Variants in RNGTT observed in about 807,000 individuals in gnomAD.
The protein encoded by RNGTT is mRNA-capping enzyme.
Under a neutral mutation model 79.3 loss-of-function variants are expected in RNGTT, and 33 were observed. That is an observed-to-expected ratio of 0.42 (90% CI 0.32 to 0.56). The LOEUF (loss-of-function observed/expected upper bound fraction) is 0.56, where lower values mean the gene tolerates loss of function less well. Ranked by LOEUF, RNGTT falls within the 20% of genes least tolerant of loss-of-function variation. The pLI is 0.17. For missense variants in RNGTT, 497 were observed against 739.1 expected, an observed-to-expected ratio of 0.67 and a Z score of 3.80; for synonymous variants, 222 against 235.9, an observed-to-expected ratio of 0.94 and a Z score of 0.54.
At chr6:88,813,853 A>T (rs1780223048) in intron 11 of RNGTT, among the ~76,000 whole-genome samples, 1 of 152,140 alleles carries the variant, frequency 6.6e-6, no homozygotes, top group Non-Finnish European at 1.5e-5. Flanking sequence ...CTGACTACTA[A>T]ATTGATATGT....
intron 13 of RNGTT, among the ~76,000 whole-genome samples, chr6:88,712,754 A>G (rs888974483): frequency 1.3e-5 from 2 of 152,142 alleles, no homozygotes; most frequent in African/African-American, 4.8e-5. Context: ...TGACTGAAAA[A>G]GCAATACATT....
chr6:88,929,739 A>G (rs910484715), intron 2 of RNGTT, among the ~76,000 whole-genome samples: 9 of 151,978 alleles, frequency 5.9e-5, no homozygotes, highest in African/African-American at 2.2e-4. Flanking sequence ...ATATCTATTG[A>G]CTACACCATT....
intron 13 of RNGTT, among the ~76,000 whole-genome samples, chr6:88,710,153 C>T (rs898614224): frequency 2.6e-4 from 40 of 152,222 alleles, no homozygotes; most frequent in Admixed American, 7.9e-4. Flanking sequence ...CCAGCTACTC[C>T]GGAAGCTGAG....
intron 11 of RNGTT, among the ~76,000 whole-genome samples, chr6:88,810,838 AT>A (rs1263670243): frequency 6.6e-6 from 1 of 152,222 alleles, no homozygotes; most frequent in Non-Finnish European, 1.5e-5. Context: ...ATACAATTGC[AT>A]GCAGTGTTCA....
intron 13 of RNGTT, among the ~76,000 whole-genome samples, chr6:88,701,981 CA>C (rs766080576): frequency 1.3e-5 from 2 of 151,844 alleles, no homozygotes; most frequent in Admixed American, 6.6e-5. Flanking sequence ...AAAACACACA[CA>C]AAAAAACCTA....
chr6:88,877,380 A>G (rs374806780), intron 8 of RNGTT, among the ~76,000 whole-genome samples: 19 of 152,370 alleles, frequency 1.2e-4, no homozygotes, highest in African/African-American at 4.1e-4. Context: ...ATTTTGTTCC[A>G]TGAGGCACTA....
intron 11 of RNGTT, among the ~76,000 whole-genome samples, chr6:88,819,145 T>C (rs2127878357): frequency 6.6e-6 from 1 of 152,276 alleles, no homozygotes; most frequent in South Asian, 2.1e-4. Flanking sequence ...AAGAATAGTA[T>C]TCTTCATAAC....
At chr6:88,934,276 C>G (rs1784596213) in intron 2 of RNGTT, among the ~76,000 whole-genome samples, 1 of 152,192 alleles carries the variant, frequency 6.6e-6, no homozygotes, top group Non-Finnish European at 1.5e-5. Context: ...AAGTAATCCT[C>G]CCATCCATCT....
At chr6:88,749,298 G>C (rs1458006689) in intron 13 of RNGTT, among the ~76,000 whole-genome samples, 1 of 151,986 alleles carries the variant, frequency 6.6e-6, no homozygotes, top group Non-Finnish European at 1.5e-5. Context: ...AAATAATAAG[G>C]TATTGTGGGC....
At chr6:88,777,900 T>TC (rs1417623815) in intron 12 of RNGTT, among the ~76,000 whole-genome samples, 1 of 152,192 alleles carries the variant, frequency 6.6e-6, no homozygotes, top group Admixed American at 6.5e-5. Flanking sequence ...TTTTAGTTCT[T>TC]CCCCATTAAT....
intron 14 of RNGTT, among the ~76,000 whole-genome samples, chr6:88,639,525 T>C (rs1014800627): frequency 6.6e-6 from 1 of 152,164 alleles, no homozygotes; most frequent in African/African-American, 2.4e-5. Context: ...GCACAAATCA[T>C]ACACCACTCC....
intron 11 of RNGTT, among the ~76,000 whole-genome samples, chr6:88,825,611 T>G (rs1325313019): frequency 6.6e-6 from 1 of 152,218 alleles, no homozygotes; most frequent in African/African-American, 2.4e-5. Context: ...AAATGTTTAT[T>G]TGAATACATG....
chr6:88,893,620 T>G (rs1783125454), intron 6 of RNGTT, among the ~76,000 whole-genome samples: 1 of 152,140 alleles, frequency 6.6e-6, no homozygotes, highest in South Asian at 2.1e-4. Context: ...ACAGAGCCAA[T>G]AAATACTGAG....
intron 2 of RNGTT, among the ~76,000 whole-genome samples, chr6:88,933,988 C>T (rs553043357): frequency 6.6e-6 from 1 of 152,272 alleles, no homozygotes; most frequent in African/African-American, 2.4e-5. Context: ...TTCTCCACAT[C>T]CTTGCCAGCA....
intron 11 of RNGTT, among the ~76,000 whole-genome samples, chr6:88,812,099 CATT>C (rs1780158415): frequency 6.6e-6 from 1 of 152,180 alleles, no homozygotes; most frequent in Non-Finnish European, 1.5e-5. Flanking sequence ...AAGCCAACAT[CATT>C]ATCTTCTTTT....
chr6:88,923,255 G>T (rs1272811629), intron 4 of RNGTT, among the ~76,000 whole-genome samples: 8 of 152,080 alleles, frequency 5.3e-5, no homozygotes, highest in Non-Finnish European at 1.2e-4. Context: ...GATGATTGTT[G>T]TTTCCAGGTT....
intron 11 of RNGTT, among the ~76,000 whole-genome samples, chr6:88,803,275 T>C (rs955142811): frequency 2.0e-5 from 3 of 151,920 alleles, no homozygotes; most frequent in Non-Finnish European, 4.4e-5. Flanking sequence ...GAGTTTCAGT[T>C]TTGAAAGATG....
intron 13 of RNGTT, among the ~76,000 whole-genome samples, chr6:88,714,906 A>G (rs1409736963): frequency 6.6e-6 from 1 of 152,186 alleles, no homozygotes; most frequent in Non-Finnish European, 1.5e-5. Flanking sequence ...AAACTGGCAC[A>G]AGACAGGGAT....
chr6:88,624,116 T>C (rs1223967243), intron 14 of RNGTT, among the ~76,000 whole-genome samples: 2 of 151,900 alleles, frequency 1.3e-5, no homozygotes, highest in Non-Finnish European at 2.9e-5. Context: ...TAAAAAGAGA[T>C]ATACACCATG....
Sources: gnomAD v4.1 joint callset for allele counts (sites outside exome capture counted in the v4.1 genomes callset) on GRCh38, gnomAD v4.1.1 for gene constraint, MANE v1.5 for transcripts, NCBI Gene and HGNC (gene_info 2026-07-23, HGNC 2026-07-21) for gene names.